The following PAK5 variants were observed in gnomAD, a reference collection of about 807,000 sequenced individuals.
The protein encoded by PAK5 is serine/threonine-protein kinase PAK 5.
In PAK5, 16 loss-of-function variants were observed where a neutral mutation model predicts 65.9. The observed-to-expected ratio is 0.24, with a 90% CI of 0.16 to 0.37. The LOEUF is 0.37. Among genes scored for constraint, PAK5 ranks in the 10% least tolerant of loss-of-function variants. The pLI is 1.00. For synonymous variants in PAK5, 371 were observed against 354.9 expected (o/e 1.05, Z -0.51); for missense variants, 785 against 903.9 (o/e 0.87, Z 1.69).
At chr20:9,698,140 A>G (rs2047893512) in intron 2 of PAK5, among the ~76,000 whole-genome samples, 1 of 152,114 alleles carries the variant, frequency 6.6e-6, no homozygotes, top group Non-Finnish European at 1.5e-5. Context: ...TCCTCAATAT[A>G]ATGCTTAGAA....
At chr20:9,605,175 G>C (rs2046430434) in intron 3 of PAK5, among the ~76,000 whole-genome samples, 1 of 152,242 alleles carries the variant, frequency 6.6e-6, no homozygotes, top group African/African-American at 2.4e-5. Flanking sequence ...GGTCAGAGAA[G>C]CGGGGGTATT....
At chr20:9,825,891 A>G (rs901643912) in intron 1 of PAK5, among the ~76,000 whole-genome samples, 1 of 152,240 alleles carries the variant, frequency 6.6e-6, no homozygotes. Context: ...ATCCAAAAAT[A>G]TAGAGCAATT....
At chr20:9,789,380 C>T (rs1966037723) in intron 1 of PAK5, among the ~76,000 whole-genome samples, 1 of 152,102 alleles carries the variant, frequency 6.6e-6, no homozygotes, top group Non-Finnish European at 1.5e-5. Context: ...CCTCGCAATT[C>T]AAAGTGAAAA....
At chr20:9,703,786 GT>G (rs2047970788) in intron 2 of PAK5, among the ~76,000 whole-genome samples, 1 of 152,080 alleles carries the variant, frequency 6.6e-6, no homozygotes, top group South Asian at 2.1e-4. Context: ...TCCCGGGTGG[GT>G]TTCAAGGTAC....
intron 2 of PAK5, among the ~76,000 whole-genome samples, chr20:9,685,623 A>G (rs2047708573): frequency 6.6e-6 from 1 of 152,264 alleles, no homozygotes; most frequent in South Asian, 2.1e-4. Flanking sequence ...GAAACAATAA[A>G]TTTCATAAAT....
intron 2 of PAK5, among the ~76,000 whole-genome samples, chr20:9,648,234 G>A (rs1016037921): frequency 1.3e-5 from 2 of 152,128 alleles, no homozygotes; most frequent in African/African-American, 4.8e-5. Flanking sequence ...AAGGTGCATG[G>A]GGCCAAGTCC....
At chr20:9,747,921 G>A (rs1569071259) in intron 1 of PAK5, among the ~76,000 whole-genome samples, 1 of 152,060 alleles carries the variant, frequency 6.6e-6, no homozygotes, top group Non-Finnish European at 1.5e-5. Context: ...TGACATGATT[G>A]TATATCTAGA....
intron 3 of PAK5, among the ~76,000 whole-genome samples, chr20:9,595,137 AG>A (rs1231131641): frequency 1.3e-4 from 20 of 151,562 alleles, no homozygotes; most frequent in African/African-American, 4.8e-4. Context: ...AGAGAGAGAG[AG>A]ATAGTATCAA....
In PAK5 at chr20:9,728,938, G is replaced by A. The variant is rs1371631827; in HGVS notation, c.-161-17503C>T. ...ATGCCAATTCTTCATTTATAGTATTGTGCCAATTTAAAATTCCAATTTTGG... is the reference window on the plus strand; with the variant it reads ...ATGCCAATTCTTCATTTATAGTATTATGCCAATTTAAAATTCCAATTTTGG... On this transcript the variant is annotated intron_variant, in intron 1 of 9. Coordinates refer to ENST00000353224, the MANE Select transcript of PAK5 (RefSeq NM_177990.4). 2.0e-5 allele frequency among the ~76,000 whole-genome samples: 3 copies of A among 152,112 alleles called. No homozygotes were observed. The East Asian group carries it at 5.8e-4, about 29-fold the overall frequency.
intron 3 of PAK5, among the ~76,000 whole-genome samples, chr20:9,601,671 C>T (rs1439590527): frequency 1.3e-5 from 2 of 152,148 alleles, no homozygotes; most frequent in Non-Finnish European, 2.9e-5. Flanking sequence ...TGACTTTGAA[C>T]TTGGCCACGT....
rs1323665668 is a variant in PAK5 at position 9,583,671 on chromosome 20, A to T, written c.205-2741T>A. Among the ~76,000 whole-genome samples, 3 of 152,198 alleles carry T rather than the reference A, an allele frequency of 2.0e-5. No individual in the cohort carries two copies. In the East Asian group the frequency reaches 5.8e-4, roughly 29 times the overall value. On this transcript the variant is annotated intron_variant, in intron 3 of 9. Coordinates refer to ENST00000353224, the MANE Select transcript of PAK5 (RefSeq NM_177990.4). ...ACATTAATTAACTCTTTGTGCTGCA[A>T]AGCTCTATGGGTATTGACAAGTGCA...
rs1035699738 is a variant in PAK5, at chr20:9,539,391, G to A, written c.*71C>T. Reference sequence around the variant, plus strand: ...AATGCACAGGCCTTTTGCATGTTCTGTGTTTCCTTTTGTTCTCCTGAATTA... The same window carrying A: ...AATGCACAGGCCTTTTGCATGTTCTATGTTTCCTTTTGTTCTCCTGAATTA... On this transcript the variant is annotated 3_prime_UTR_variant, in exon 10 of 10. Transcript: ENST00000353224. 68 of 1,471,090 alleles carry A rather than the reference G, an allele frequency of 4.6e-5. No individual in the cohort carries two copies. Among genetic ancestry groups the A allele is most frequent in the Non-Finnish European group, 5.9e-5 (62 of 1,058,622 alleles). 91.1% of individuals were successfully genotyped at this position (1,471,090 alleles called of 1,614,324 possible).
rs771315576 is a variant in PAK5 at position 9,838,508 on chromosome 20, G to C, written c.-162+254C>G. 4.6e-5 allele frequency among the ~76,000 whole-genome samples: 7 copies of C among 152,164 alleles called. No homozygotes were observed. The highest frequency in any genetic ancestry group is 1.0e-4 in the Non-Finnish European group (7 of 68,024). ...AGCAAAATGGAACCATCCTTTATTT[G>C]GTTGGTAGAGAGCCCAGGCTGGATA... On this transcript the variant is annotated intron_variant, in intron 1 of 9. Coordinates refer to ENST00000353224, the MANE Select transcript of PAK5 (RefSeq NM_177990.4). The surrounding 1 kb of genome is among the most constrained non-coding windows in gnomAD (Gnocchi z 4.5).
intron 4 of PAK5, among the ~76,000 whole-genome samples, chr20:9,579,690 A>T (rs182686213): frequency 1.2e-4 from 19 of 152,334 alleles, no homozygotes; most frequent in Admixed American, 1.2e-3. Flanking sequence ...GGCTTTATTT[A>T]AAAATTACCA....
At chr20:9,774,912 C>T (rs745850715) in intron 1 of PAK5, among the ~76,000 whole-genome samples, 62 of 152,146 alleles carry the variant, frequency 4.1e-4, no homozygotes, top group African/African-American at 2.4e-4. Flanking sequence ...GCCAAGATGG[C>T]GCCACCGCAC....
chr20:9,825,707 T>C (rs554492906), intron 1 of PAK5, among the ~76,000 whole-genome samples: 2 of 152,316 alleles, frequency 1.3e-5, no homozygotes, highest in Admixed American at 1.3e-4. Flanking sequence ...CTCTATACTT[T>C]TAAATAAAAT....
intron 9 of PAK5, among the ~76,000 whole-genome samples, chr20:9,540,224 G>A (rs2045238862): frequency 6.6e-6 from 1 of 152,014 alleles, no homozygotes; most frequent in South Asian, 2.1e-4. Context: ...GTACAAGCAT[G>A]TGCCAGCATG....
chr20:9,602,762 G>A (rs1041029946), intron 3 of PAK5, among the ~76,000 whole-genome samples: 4 of 152,090 alleles, frequency 2.6e-5, no homozygotes, highest in Non-Finnish European at 5.9e-5. Context: ...ATCAAAGTTC[G>A]GTTTCCTCTG....
intron 2 of PAK5, among the ~76,000 whole-genome samples, chr20:9,686,714 G>A (rs981280876): frequency 1.4e-4 from 22 of 152,148 alleles, no homozygotes; most frequent in Non-Finnish European, 4.4e-5. Flanking sequence ...ACCTCTGCAG[G>A]TAACCCTTGC....
Sources: gnomAD v4.1 joint callset for allele counts (sites outside exome capture counted in the v4.1 genomes callset) on GRCh38, gnomAD v4.1.1 for gene constraint, Gnocchi (gnomAD v3.1) non-coding constraint, MANE v1.5 for transcripts, NCBI Gene and HGNC (gene_info 2026-07-23, HGNC 2026-07-21) for gene names.